NSMCE2: variants seen among roughly 807,000 people sequenced by gnomAD.
NSMCE2 encodes the protein E3 SUMO-protein ligase NSE2.
In NSMCE2, 24 loss-of-function variants were observed where a neutral mutation model predicts 23.8. The ratio of observed to expected loss-of-function variants is 1.01; its 90% CI spans 0.73 to 1.42. The LOEUF is 1.42. NSMCE2 is among the 40% of genes most tolerant of loss of function. The probability of loss-of-function intolerance (pLI) is 0.00; values close to 1 mark genes in which losing one functional copy is unlikely to be tolerated. For synonymous variants in NSMCE2, 92 were observed against 94.1 expected (o/e 0.98, Z 0.13); for missense variants, 284 against 296.5 (o/e 0.96, Z 0.31).
chr8:125,213,571 C>G (rs1824444073), intron 5 of NSMCE2, among the ~76,000 whole-genome samples: 1 of 129,224 alleles, frequency 7.7e-6, no homozygotes, highest in Admixed American at 8.3e-5. Flanking sequence ...TCCCCTCCCC[C>G]TCCCCTCTTT....
Position 125,266,006 on chromosome 8 carries a change from A to C in NSMCE2, c.418+83750A>C, listed in dbSNP as rs1039136635. Among the ~76,000 whole-genome samples, 4 of 152,090 alleles carry C rather than the reference A, an allele frequency of 2.6e-5. No homozygotes were observed. In the East Asian group the frequency reaches 7.7e-4, roughly 29 times the overall value. On this transcript the variant is annotated intron_variant, in intron 5 of 7. Coordinates refer to ENST00000287437, the MANE Select transcript of NSMCE2 (RefSeq NM_173685.4). Reference sequence around the variant, plus strand: ...GGGCACACTTCAAAATAGTTGCCTTACTTAGAACAAAATCCTGTGACCCGA... The same window carrying C: ...GGGCACACTTCAAAATAGTTGCCTTCCTTAGAACAAAATCCTGTGACCCGA...
At chr8:125,308,656 G>A (rs997988014) in intron 5 of NSMCE2, among the ~76,000 whole-genome samples, 5 of 152,096 alleles carry the variant, frequency 3.3e-5, no homozygotes, top group African/African-American at 7.2e-5. Context: ...GGGGCCACAC[G>A]ATACAAAGGT....
intron 7 of NSMCE2, among the ~76,000 whole-genome samples, chr8:125,365,445 C>G (rs192639338): frequency 1.7e-4 from 26 of 152,312 alleles, no homozygotes; most frequent in African/African-American, 5.5e-4. Flanking sequence ...CCCTGCCCTT[C>G]TCTTACCTCC....
At chr8:125,329,529 G>T (rs1181851611) in intron 5 of NSMCE2, among the ~76,000 whole-genome samples, 4 of 152,174 alleles carry the variant, frequency 2.6e-5, no homozygotes, top group Non-Finnish European at 5.9e-5. Flanking sequence ...TGGAATCCAC[G>T]TCTGCCTTTA....
chr8:125,253,456 C>T (rs760669860), intron 5 of NSMCE2, among the ~76,000 whole-genome samples: 9 of 152,186 alleles, frequency 5.9e-5, no homozygotes, highest in Non-Finnish European at 1.2e-4. Flanking sequence ...ACCTTAGATG[C>T]AGAGTTTCGG....
At chr8:125,223,141 A>C (rs1441344377) in intron 5 of NSMCE2, among the ~76,000 whole-genome samples, 1 of 151,998 alleles carries the variant, frequency 6.6e-6, no homozygotes, top group Non-Finnish European at 1.5e-5. Flanking sequence ...TGAGGCAGGC[A>C]GCTCAGGAGT....
At chr8:125,176,771 T>G (rs1389171255) in intron 4 of NSMCE2, among the ~76,000 whole-genome samples, 1 of 152,204 alleles carries the variant, frequency 6.6e-6, no homozygotes, top group Non-Finnish European at 1.5e-5. Flanking sequence ...AAGATCCCGA[T>G]TTCTAAGTGT....
Position 125,320,251 on chromosome 8 carries a change from GGGAAGGAAGGAAGGAAGGAA to G in NSMCE2, c.419-36929_419-36910del, listed in dbSNP as rs1184148348. Among the ~76,000 whole-genome samples the G allele has an allele frequency of 6.3e-3, 370 of 58,296 alleles. 3 individuals carry two copies. The highest frequency in any genetic ancestry group is 0.028 in the African/African-American group (358 of 12,648). 38.2% of individuals were successfully genotyped at this position (58,296 alleles called of 152,430 possible). Reference sequence around the variant, plus strand: ...GGGAGGGAAGGGAGGGAGGGAGGGAGGGAAGGAAGGAAGGAAGGAAGGAAGGAAGGAAGGAAGGAAGGAAG... The same window carrying G: ...GGGAGGGAAGGGAGGGAGGGAGGGAGGGAAGGAAGGAAGGAAGGAAGGAAG... On this transcript the variant is annotated intron_variant, in intron 5 of 7. Transcript: ENST00000287437.
intron 5 of NSMCE2, among the ~76,000 whole-genome samples, chr8:125,232,620 A>G (rs1192388138): frequency 6.6e-6 from 1 of 152,212 alleles, no homozygotes; most frequent in Non-Finnish European, 1.5e-5. Flanking sequence ...TTTCAAACAT[A>G]TATAAAGTAG....
At chr8:125,142,079 T>C (rs1820402425) in intron 3 of NSMCE2, among the ~76,000 whole-genome samples, 1 of 152,174 alleles carries the variant, frequency 6.6e-6, no homozygotes, top group African/African-American at 2.4e-5. Flanking sequence ...TACCTTTTGG[T>C]TCCAAAGGCA....
intron 3 of NSMCE2, among the ~76,000 whole-genome samples, chr8:125,117,699 A>G (rs538479708): frequency 8.5e-5 from 13 of 152,130 alleles, no homozygotes; most frequent in Non-Finnish European, 1.8e-4. Context: ...TATTATTTTT[A>G]GAGACAAGGT....
At chr8:125,107,154 T>C (rs1818502849) in intron 3 of NSMCE2, among the ~76,000 whole-genome samples, 1 of 151,980 alleles carries the variant, frequency 6.6e-6, no homozygotes, top group South Asian at 2.1e-4. Flanking sequence ...TGTCTGTGAA[T>C]TGTTCTATAT....
At chr8:125,130,491 A>G (rs966717743) in intron 3 of NSMCE2, 1 of 197,554 alleles carries the variant, frequency 5.1e-6, no homozygotes, top group Admixed American at 5.5e-5. Context: ...GAAATTCTGT[A>G]AAGAGTTTTG....
At chr8:125,320,949 G>A (rs1374352421) in intron 5 of NSMCE2, among the ~76,000 whole-genome samples, 1 of 152,164 alleles carries the variant, frequency 6.6e-6, no homozygotes, top group African/African-American at 2.4e-5. Flanking sequence ...AGAAGGCAAA[G>A]TGGGAGCAGA....
At chr8:125,311,119 C>T (rs1440535252) in intron 5 of NSMCE2, among the ~76,000 whole-genome samples, 4 of 152,202 alleles carry the variant, frequency 2.6e-5, no homozygotes, top group Admixed American at 2.0e-4. Flanking sequence ...AGATTTTGCT[C>T]TGGGGACCAT....
At chr8:125,322,428 T>C (rs1039043481) in intron 5 of NSMCE2, among the ~76,000 whole-genome samples, 2 of 152,222 alleles carry the variant, frequency 1.3e-5, no homozygotes, top group Non-Finnish European at 2.9e-5. Context: ...CAATACTGAT[T>C]CTTGATTTTA....
intron 5 of NSMCE2, among the ~76,000 whole-genome samples, chr8:125,339,469 G>A (rs1300912273): frequency 6.6e-6 from 1 of 152,080 alleles, no homozygotes; most frequent in Non-Finnish European, 1.5e-5. Context: ...GCAAGCTTCT[G>A]TATAGCTTAC....
intron 5 of NSMCE2, among the ~76,000 whole-genome samples, chr8:125,185,316 C>CT (rs909186399): frequency 4.0e-5 from 6 of 148,548 alleles, no homozygotes; most frequent in Middle Eastern, 3.4e-3. Context: ...TTTTTTTTTT[C>CT]TTTTTTTTGA....
chr8:125,342,813 G>T (rs879454285), intron 5 of NSMCE2, among the ~76,000 whole-genome samples: 1 of 152,116 alleles, frequency 6.6e-6, no homozygotes, highest in Non-Finnish European at 1.5e-5. Flanking sequence ...GCCCTGCCTC[G>T]ATTGGCTCTG....
Sources: gnomAD v4.1 joint callset for allele counts (sites outside exome capture counted in the v4.1 genomes callset) on GRCh38, gnomAD v4.1.1 for gene constraint, MANE v1.5 for transcripts, NCBI Gene and HGNC (gene_info 2026-07-23, HGNC 2026-07-21) for gene names.